Variants in SLC38A1 observed in about 807,000 individuals in gnomAD.
The protein encoded by SLC38A1 is sodium-coupled neutral amino acid symporter 1.
Under a neutral mutation model 60.3 loss-of-function variants are expected in SLC38A1, and 18 were observed. The ratio of observed to expected loss-of-function variants is 0.30; its 90% CI spans 0.21 to 0.44. The LOEUF (loss-of-function observed/expected upper bound fraction) is 0.44, where lower values mean the gene tolerates loss of function less well. Among genes scored for constraint, SLC38A1 ranks in the 20% least tolerant of loss-of-function variants. SLC38A1 has a pLI of 1.00. For missense variants in SLC38A1, 448 were observed against 587.2 expected (o/e 0.76, Z 2.45); for synonymous variants, 196 against 212.1 (o/e 0.92, Z 0.66).
chr12:46,228,777 C>T (rs371817761), intron 5 of SLC38A1, among the ~76,000 whole-genome samples: 102 of 152,264 alleles, frequency 6.7e-4, no homozygotes, highest in African/African-American at 1.7e-3. Flanking sequence ...ATGTAGTACA[C>T]GCTTCACAGC....
chr12:46,199,326 TGTG>T (rs1565752901), intron 13 of SLC38A1, among the ~76,000 whole-genome samples: 15 of 112,740 alleles, frequency 1.3e-4, no homozygotes, highest in South Asian at 2.4e-4. Context: ...TGTGTGTGTG[TGTG>T]TGTGTGTGTG....
chr12:46,206,152 C>T lies in SLC38A1; in HGVS notation c.574G>A (p.Val192Met), dbSNP rs377506874. ...GKEETFSAWY[V>M]DGRVLVVIVT... ...ATCACCACCAGAACGCGGCCATCCA[C>T]GTACCAGGCTCTGAAAGGCATTTAA... is the stretch of plus-strand genomic sequence containing the variant. Residue 192 changes from valine to methionine, a missense_variant, in exon 9 of 17, where the codon GTG (valine) becomes ATG (methionine). This residue lies in a region of SLC38A1 where 346 missense variants were observed against 497.5 expected (regional missense o/e 0.70). Transcript: ENST00000398637. The T allele has an allele frequency of 2.5e-6, 4 of 1,606,892 alleles. No individual in the cohort carries two copies. The highest frequency in any genetic ancestry group is 2.2e-5 in the East Asian group (1 of 44,586).
chr12:46,198,855 T>C, intron 13 of SLC38A1, 112 bp from the exon 14 acceptor site: 1 of 687,366 alleles, frequency 1.5e-6, no homozygotes, highest in Non-Finnish European at 2.5e-6. Context: ...AAAAGCAATG[T>C]TTCGAAATGT....
chr12:46,237,472 G>T (rs777697364), intron 3 of SLC38A1, among the ~76,000 whole-genome samples: 3 of 149,238 alleles, frequency 2.0e-5, no homozygotes, highest in Non-Finnish European at 2.9e-5. Context: ...GTCAGAGAAG[G>T]AGGGGAAATA....
intron 3 of SLC38A1, among the ~76,000 whole-genome samples, chr12:46,234,433 T>C (rs1218669954): frequency 6.7e-6 from 1 of 148,468 alleles, no homozygotes; most frequent in African/African-American, 2.6e-5. Context: ...TGTATTTCTT[T>C]TTTTCTTTCT....
intron 1 of SLC38A1, among the ~76,000 whole-genome samples, chr12:46,264,600 T>C (rs1942296468): frequency 6.6e-6 from 1 of 152,240 alleles, no homozygotes; most frequent in Admixed American, 6.5e-5. Context: ...GAAGTTAATC[T>C]TTTAATTTTA....
chr12:46,233,740 A>G (rs367847901), intron 3 of SLC38A1, among the ~76,000 whole-genome samples: 26 of 152,222 alleles, frequency 1.7e-4, no homozygotes, highest in African/African-American at 4.8e-4. Flanking sequence ...GTTAAATAGC[A>G]CATTAAAACA....
chr12:46,239,383 G>T, intron 3 of SLC38A1: 1 of 191,956 alleles, frequency 5.2e-6, no homozygotes, highest in South Asian at 1.1e-4. Context: ...GTAGTGCAGT[G>T]GCATGATCTC....
rs1345395321 is a variant in SLC38A1, at chr12:46,183,494, A to G, written c.*5476T>C. On this transcript the variant is annotated 3_prime_UTR_variant, in exon 17 of 17. Transcript: ENST00000398637. The stretch of plus-strand genomic sequence containing the variant: ...TTCTTTCCTTCAAATTTGTGCTCAT[A>G]ATTAATATTCAGGTTCCCTCTCCCC... 1 of 152,180 alleles carries G rather than the reference A, an allele frequency of 6.6e-6. No individual in the cohort carries two copies. Among genetic ancestry groups the G allele is most frequent in the Non-Finnish European group, 1.5e-5 (1 of 68,012 alleles). The allele number at this position is 152,180 out of a possible 1,614,324, so 9.4% of individuals were successfully genotyped here. A position where few individuals can be genotyped will look rare whatever the true frequency, so the allele number is the denominator to read the frequency against.
chr12:46,249,155 C>CAAAAAAAA (rs59948188), intron 1 of SLC38A1, among the ~76,000 whole-genome samples: 1 of 46,514 alleles, frequency 2.1e-5, no homozygotes. Context: ...GACTCCGCCT[C>CAAAAAAAA]AAAAAAAAAA....
rs535946012 is a variant in SLC38A1, at chr12:46,200,604, T to C, written c.1003+494A>G. On this transcript the variant is annotated intron_variant, in intron 13 of 16. Coordinates refer to ENST00000398637, the MANE Select transcript of SLC38A1 (RefSeq NM_030674.4). ...ACTTGTTCCCTTTTTCAGATTTCAT[T>C]TTTTAAAATTTTCTATCATTCCTTT... 2.0e-3 allele frequency among the ~76,000 whole-genome samples: 308 copies of C among 152,300 alleles called. 2 individuals carry two copies. The highest frequency in any genetic ancestry group is 2.9e-3 in the Non-Finnish European group (195 of 68,016).
intron 1 of SLC38A1, among the ~76,000 whole-genome samples, chr12:46,263,296 G>A (rs956335627): frequency 1.1e-4 from 16 of 152,144 alleles, no homozygotes; most frequent in African/African-American, 3.4e-4. Flanking sequence ...TAAGATAAAT[G>A]GGCAAAGCAG....
chr12:46,263,038 T>C (rs941997353), intron 1 of SLC38A1, among the ~76,000 whole-genome samples: 1 of 152,224 alleles, frequency 6.6e-6, no homozygotes, highest in Non-Finnish European at 1.5e-5. Context: ...TCTTGAATAG[T>C]TGCCTTTGTA....
chr12:46,268,719 G>A lies in SLC38A1; in HGVS notation c.-402C>T. 1 of 299,616 alleles carries A rather than the reference G, an allele frequency of 3.3e-6. No homozygotes were observed. The highest frequency in any genetic ancestry group is 3.8e-5 in the Admixed American group (1 of 26,508). 18.6% of individuals were successfully genotyped at this position (299,616 alleles called of 1,614,324 possible). A position where few individuals can be genotyped will look rare whatever the true frequency, so the allele number is the denominator to read the frequency against. ...CGGATTTCGGAGGAAGGTGAAGGGC[G>A]GAGGCTCCTGGCGACCTTCTGGCGG... On this transcript the variant is annotated 5_prime_UTR_variant, in exon 1 of 17. Coordinates refer to ENST00000398637, the MANE Select transcript of SLC38A1 (RefSeq NM_030674.4). The surrounding 1 kb of genome is among the most constrained non-coding windows in gnomAD (Gnocchi z 4.4).
rs541242584 is a variant in SLC38A1, at chr12:46,237,620, C to T, written c.122+2059G>A. ...GAAGTGAGCTCATCCAGGCAAGGTG[C>T]CTAAGTTGCGGGTGAGAATAGATGT... On this transcript the variant is annotated intron_variant, in intron 3 of 16. Transcript: ENST00000398637. 4.6e-5 allele frequency among the ~76,000 whole-genome samples: 7 copies of T among 151,916 alleles called. 1 individual carries two copies. Among genetic ancestry groups the T allele is most frequent in the African/African-American group, 1.7e-4 (7 of 41,204 alleles).
chr12:46,184,372 A>C lies in SLC38A1; in HGVS notation c.*4598T>G, dbSNP rs3742059. The C allele has an allele frequency of 0.64, 96,736 of 151,988 alleles. 31,589 individuals carry two copies. The highest frequency in any genetic ancestry group is 0.79 in the South Asian group (3,797 of 4,820). The allele number at this position is 151,988 out of a possible 1,614,324, so 9.4% of individuals were successfully genotyped here. A position where few individuals can be genotyped will look rare whatever the true frequency, so the allele number is the denominator to read the frequency against. ...AGTATTGCTAAATGATGGTCTGTAT[A>C]TTCTTTGTTTTGAAGGTGGCTAGAT... is the stretch of plus-strand genomic sequence containing the variant. On this transcript the variant is annotated 3_prime_UTR_variant, in exon 17 of 17. Coordinates refer to ENST00000398637, the MANE Select transcript of SLC38A1 (RefSeq NM_030674.4).
chr12:46,199,508 C>T (rs1021862549), intron 13 of SLC38A1, among the ~76,000 whole-genome samples: 2 of 151,600 alleles, frequency 1.3e-5, no homozygotes, highest in African/African-American at 2.4e-5. Flanking sequence ...TGCCACCATG[C>T]TTGGCTAATT....
chr12:46,245,468 T>A (rs928688675), intron 1 of SLC38A1, among the ~76,000 whole-genome samples: 1 of 152,262 alleles, frequency 6.6e-6, no homozygotes, highest in East Asian at 1.9e-4. Flanking sequence ...ATAACAAGTG[T>A]TGGCAAGGGT....
intron 1 of SLC38A1, among the ~76,000 whole-genome samples, chr12:46,259,900 A>G (rs1169855972): frequency 6.6e-6 from 1 of 152,058 alleles, no homozygotes; most frequent in Non-Finnish European, 1.5e-5. Context: ...GCAGTCTCTA[A>G]ACTACTTGCT....
Sources: gnomAD v4.1 joint callset for allele counts (sites outside exome capture counted in the v4.1 genomes callset) on GRCh38, gnomAD v4.1.1 for gene constraint, gnomAD v4.1.1 regional missense constraint, Gnocchi (gnomAD v3.1) non-coding constraint, MANE v1.5 for transcripts, NCBI Gene and HGNC (gene_info 2026-07-23, HGNC 2026-07-21) for gene names.